Variants in RYR3 observed in about 807,000 individuals in gnomAD.
The protein encoded by RYR3 is brain ryanodine receptor-calcium release channel.
RYR3 carries 207 observed loss-of-function variants against 584.3 expected under a neutral mutation model. The observed-to-expected ratio is 0.35, with a 90% CI of 0.32 to 0.40. The LOEUF is 0.40. RYR3 is among the 10% of genes least tolerant of loss of function. RYR3 has a pLI of 1.00. For missense variants in RYR3, 5,616 were observed against 6,089.2 expected, an observed-to-expected ratio of 0.92 and a Z score of 2.59; for synonymous variants, 2,416 against 2,248.5, an observed-to-expected ratio of 1.07 and a Z score of -2.11.
chr15:33,495,182 G>T (rs1247873270), intron 2 of RYR3, among the ~76,000 whole-genome samples: 1 of 152,154 alleles, frequency 6.6e-6, no homozygotes, highest in Non-Finnish European at 1.5e-5. Flanking sequence ...CCAAAATAGA[G>T]AATGCTTTCT....
intron 8 of RYR3, among the ~76,000 whole-genome samples, chr15:33,547,824 T>C (rs1369306): frequency 0.71 from 107,381 of 152,040 alleles, 39,806 homozygotes; most frequent in Middle Eastern, 0.89. Context: ...GTAACTGGGC[T>C]ATTGTGACTC....
At chr15:33,850,430 G>A (rs2079022259) in intron 94 of RYR3, 1 of 150,378 alleles carries the variant, frequency 6.6e-6, no homozygotes, top group African/African-American at 2.5e-5. Context: ...ATCCTAAGGA[G>A]ATAATGAGAC....
rs910958927 is a variant in RYR3, at chr15:33,819,654, A to T, written c.10707-102A>T. 6.2e-5 allele frequency: 46 copies of T among 739,322 alleles called. 1 individual carries two copies. Among genetic ancestry groups the T allele is most frequent in the Admixed American group, 1.1e-4 (3 of 28,010 alleles). 45.8% of individuals were successfully genotyped at this position (739,322 alleles called of 1,614,324 possible). On this transcript the variant is annotated intron_variant, in intron 76 of 103. Coordinates refer to ENST00000634891, the MANE Select transcript of RYR3 (RefSeq NM_001036.6). ...GCGTCATTGCACTCCAGCCTAGGGG[A>T]CAAGAGAAAACTCTGTCTCAAAAAT...
chr15:33,447,516 G>A (rs2046771223), intron 1 of RYR3, among the ~76,000 whole-genome samples: 1 of 152,174 alleles, frequency 6.6e-6, no homozygotes, highest in African/African-American at 2.4e-5. Flanking sequence ...GTATTTTGCA[G>A]TACTCCAGTC....
chr15:33,496,423 G>A (rs1029956358), intron 2 of RYR3, among the ~76,000 whole-genome samples: 3 of 152,074 alleles, frequency 2.0e-5, no homozygotes, highest in Non-Finnish European at 4.4e-5. Flanking sequence ...GCATAAAGGG[G>A]GAAATTGAAG....
chr15:33,600,928 C>T (rs2059628619), intron 16 of RYR3, among the ~76,000 whole-genome samples: 2 of 152,148 alleles, frequency 1.3e-5, no homozygotes, highest in Admixed American at 1.3e-4. Context: ...GTGCCAAGCA[C>T]CATCAGGGCT....
At chr15:33,482,634 G>A (rs529056632) in intron 2 of RYR3, among the ~76,000 whole-genome samples, 14 of 152,266 alleles carry the variant, frequency 9.2e-5, no homozygotes, top group African/African-American at 3.4e-4. Context: ...GGCCAGGCTG[G>A]TCTCGAACTC....
At chr15:33,824,729 C>T (rs897032745) in intron 81 of RYR3, among the ~76,000 whole-genome samples, 1 of 152,170 alleles carries the variant, frequency 6.6e-6, no homozygotes, top group Non-Finnish European at 1.5e-5. Flanking sequence ...CATGCCTTTG[C>T]CCCGTGGTAG....
chr15:33,467,004 G>A (rs541103013), intron 1 of RYR3, among the ~76,000 whole-genome samples: 22 of 149,076 alleles, frequency 1.5e-4, no homozygotes, highest in South Asian at 1.1e-3. Context: ...GTGTAGTCTC[G>A]TCATTCCAAA....
intron 43 of RYR3, among the ~76,000 whole-genome samples, chr15:33,717,666 A>C (rs1483182835): frequency 1.3e-5 from 2 of 152,152 alleles, no homozygotes. Flanking sequence ...ATAATCTCAA[A>C]GGCATAAAAT....
intron 10 of RYR3, among the ~76,000 whole-genome samples, chr15:33,552,469 G>A (rs754875377): frequency 3.3e-5 from 5 of 152,172 alleles, no homozygotes; most frequent in Non-Finnish European, 7.3e-5. Context: ...CAGAGCTGGG[G>A]GCAAAAGTCA....
chr15:33,369,199 G>A (rs1975958368), intron 1 of RYR3, among the ~76,000 whole-genome samples: 1 of 152,212 alleles, frequency 6.6e-6, no homozygotes, highest in Admixed American at 6.5e-5. Context: ...GAAAGTGGCA[G>A]AACCAGGCAG....
intron 1 of RYR3, among the ~76,000 whole-genome samples, chr15:33,452,311 C>T (rs564294559): frequency 1.5e-4 from 23 of 152,292 alleles, no homozygotes; most frequent in Middle Eastern, 3.4e-3. Flanking sequence ...AGGACTGATA[C>T]TGTGGCTTTG....
At chr15:33,694,069 A>G (rs2065646200) in intron 38 of RYR3, among the ~76,000 whole-genome samples, 1 of 152,164 alleles carries the variant, frequency 6.6e-6, no homozygotes. Context: ...AGCAGAGTAG[A>G]CAGACACTGA....
intron 4 of RYR3, 143 bp from the exon 5 acceptor site, chr15:33,533,168 C>A: frequency 1.7e-6 from 1 of 594,960 alleles, no homozygotes. Flanking sequence ...AGGCATTTAC[C>A]AATTAACTTT....
In RYR3 at chr15:33,826,318, AGATCTCATTT is replaced by A. The variant is rs551825368; in HGVS notation, c.11164+50_11164+59del. 3.3e-4 allele frequency: 527 copies of A among 1,592,672 alleles called. 2 individuals carry two copies. The African/African-American group carries it at 6.2e-3, about 19-fold the overall frequency. ...GTTCCTACCGTGTGTGAATCCTAGG[AGATCTCATTT>A]AATTGCCTCAGCACAGAAACATTTT... On this transcript the variant is annotated intron_variant, in intron 83 of 103. Coordinates refer to ENST00000634891, the MANE Select transcript of RYR3 (RefSeq NM_001036.6).
chr15:33,797,711 C>T (rs1192622390), intron 67 of RYR3, among the ~76,000 whole-genome samples: 2 of 152,078 alleles, frequency 1.3e-5, no homozygotes, highest in South Asian at 2.1e-4. Context: ...GTTCCTGATG[C>T]TCTTGCTACT....
At chr15:33,495,287 A>G (rs563709090) in intron 2 of RYR3, among the ~76,000 whole-genome samples, 1 of 152,242 alleles carries the variant, frequency 6.6e-6, no homozygotes, top group South Asian at 2.1e-4. Context: ...GAATTGTACA[A>G]CCTTGGGATA....
At chr15:33,597,050 C>T (rs140795381) in intron 16 of RYR3, among the ~76,000 whole-genome samples, 4 of 152,296 alleles carry the variant, frequency 2.6e-5, no homozygotes, top group East Asian at 1.9e-4. Context: ...TTAGAAGTTA[C>T]GGTAATCTTA....
Sources: allele counts gnomAD v4.1 joint callset (sites outside exome capture counted in the v4.1 genomes callset), GRCh38; gene constraint gnomAD v4.1.1; transcripts MANE v1.5; gene names NCBI Gene and HGNC (gene_info 2026-07-23, HGNC 2026-07-21).